Variants in CSMD1 observed in about 807,000 individuals in gnomAD.
The protein encoded by CSMD1 is CUB and Sushi multiple domains 1, also known as CUB and sushi domain-containing protein 1.
In CSMD1, 213 loss-of-function variants were observed where a neutral mutation model predicts 417.5. The observed-to-expected ratio is 0.51, with a 90% CI of 0.46 to 0.57. CSMD1 has a LOEUF of 0.57. Ranked by LOEUF, CSMD1 falls within the 20% of genes least tolerant of loss-of-function variation. CSMD1 has a pLI of 0.00. For synonymous variants in CSMD1, 2,862 were observed against 1,736.8 expected (o/e 1.65, Z -16.11); for missense variants, 6,923 against 4,529.7 (o/e 1.53, Z -15.17).
chr8:4,023,109 G>T (rs965175488), intron 4 of CSMD1, among the ~76,000 whole-genome samples: 1 of 152,116 alleles, frequency 6.6e-6, no homozygotes, highest in African/African-American at 2.4e-5. Context: ...TAATGCAGTG[G>T]ATGTACAGGA....
At chr8:3,097,428 C>T (rs1383435223) in intron 46 of CSMD1, among the ~76,000 whole-genome samples, 1 of 150,038 alleles carries the variant, frequency 6.7e-6, no homozygotes, top group East Asian at 1.9e-4. Context: ...AAAGAAAACT[C>T]ATATTTATTT....
At chr8:4,240,760 T>C (rs1435998914) in intron 3 of CSMD1, among the ~76,000 whole-genome samples, 1 of 152,210 alleles carries the variant, frequency 6.6e-6, no homozygotes, top group African/African-American at 2.4e-5. Flanking sequence ...CCTTTGAATT[T>C]AATTTTTTCT....
intron 1 of CSMD1, among the ~76,000 whole-genome samples, chr8:4,848,455 G>C (rs939314321): frequency 2.6e-5 from 4 of 152,088 alleles, no homozygotes; most frequent in South Asian, 4.1e-4. Context: ...ATTACTCATG[G>C]GTTTGTTGTG....
intron 1 of CSMD1, among the ~76,000 whole-genome samples, chr8:4,757,941 CAG>C (rs1262902331): frequency 1.8e-5 from 2 of 112,546 alleles, no homozygotes; most frequent in African/African-American, 3.5e-5. Flanking sequence ...TCCTGGGCAA[CAG>C]AGAGAGACTT....
chr8:4,791,807 C>T (rs1797705476), intron 1 of CSMD1, among the ~76,000 whole-genome samples: 1 of 152,146 alleles, frequency 6.6e-6, no homozygotes, highest in African/African-American at 2.4e-5. Flanking sequence ...GTTTGGGTGG[C>T]ATTCTCTGAC....
intron 2 of CSMD1, among the ~76,000 whole-genome samples, chr8:4,625,781 TG>T (rs1802069438): frequency 6.6e-6 from 1 of 152,238 alleles, no homozygotes; most frequent in East Asian, 1.9e-4. Flanking sequence ...TGGAGTGCCG[TG>T]GTATGATCTC....
chr8:4,324,262 A>G (rs1226905051), intron 3 of CSMD1, among the ~76,000 whole-genome samples: 5 of 152,238 alleles, frequency 3.3e-5, no homozygotes. Flanking sequence ...GAGTTCTGAG[A>G]CCTTTTCCTC....
rs1802838244 is a variant in CSMD1 at position 2,954,211 on chromosome 8, C to G, written c.10039+13G>C. ...TATTGGATTGAAATCTAGAACTGTTCTGGTATACAAACCTGGAGTTTTAGT... is the reference window on the plus strand; with the variant it reads ...TATTGGATTGAAATCTAGAACTGTTGTGGTATACAAACCTGGAGTTTTAGT... On this transcript the variant is annotated intron_variant, in intron 65 of 69. Transcript: ENST00000635120. 6.9e-7 allele frequency: 1 copy of G among 1,458,196 alleles called. No individual in the cohort carries two copies. The highest frequency in any genetic ancestry group is 1.7e-4 in the Middle Eastern group (1 of 5,770). The allele number at this position is 1,458,196 out of a possible 1,614,324, so 90.3% of individuals were successfully genotyped here.
intron 37 of CSMD1, among the ~76,000 whole-genome samples, chr8:3,170,370 G>A (rs904660922): frequency 1.5e-4 from 23 of 152,104 alleles, no homozygotes; most frequent in Non-Finnish European, 1.5e-5. Context: ...ACCATACCTG[G>A]CTAATTGTTT....
rs1319799813 is a variant in CSMD1 at position 3,511,157 on chromosome 8, A to G, written c.1345-17431T>C. ...AGAAAACCAAACACTGCATGTTCTC[A>G]GTAATAAGTGGGAGTTGAACAATGA... On this transcript the variant is annotated intron_variant, in intron 10 of 69. Coordinates refer to ENST00000635120, the MANE Select transcript of CSMD1 (RefSeq NM_033225.6). Among the ~76,000 whole-genome samples the G allele has an allele frequency of 2.0e-5, 3 of 151,936 alleles. No homozygotes were observed. In the East Asian group the frequency reaches 5.8e-4, roughly 29 times the overall value.
At chr8:4,369,945 A>G (rs2128912312) in intron 3 of CSMD1, among the ~76,000 whole-genome samples, 1 of 152,308 alleles carries the variant, frequency 6.6e-6, no homozygotes, top group South Asian at 2.1e-4. Context: ...TAACCCATTT[A>G]CATTCTGGGT....
chr8:4,191,325 G>C (rs1799018813), intron 3 of CSMD1, among the ~76,000 whole-genome samples: 1 of 152,118 alleles, frequency 6.6e-6, no homozygotes, highest in Non-Finnish European at 1.5e-5. Context: ...GAACCCGGGA[G>C]GCAGAGCCTG....
intron 1 of CSMD1, among the ~76,000 whole-genome samples, chr8:4,767,836 C>T (rs1812569777): frequency 6.6e-6 from 1 of 152,136 alleles, no homozygotes; most frequent in Non-Finnish European, 1.5e-5. Context: ...CACCCAACTG[C>T]CCAGGAGTGT....
chr8:3,616,743 G>A lies in CSMD1; in HGVS notation c.1064C>T (p.Pro355Leu), dbSNP rs1802158435. The A allele has an allele frequency of 1.9e-6, 3 of 1,612,154 alleles. No homozygotes were observed. Among genetic ancestry groups the A allele is most frequent in the African/African-American group, 1.3e-5 (1 of 74,826 alleles). Residue 355 changes from proline (P) to leucine (L), a missense_variant, in exon 8 of 70, where the codon CCA becomes CTA. Transcript: ENST00000635120. Reference protein sequence around the residue: ...VSDMCPDPGIPENGRRAGSDF... With the variant: ...VSDMCPDPGILENGRRAGSDF... Reference sequence around the variant, plus strand: ...GGAACCTGCTCTTCTACCATTTTCTGGAATCCCAGGATCTGGACACATGTC... The same window carrying A: ...GGAACCTGCTCTTCTACCATTTTCTAGAATCCCAGGATCTGGACACATGTC...
chr8:4,516,282 C>G (rs1240001338), intron 2 of CSMD1, among the ~76,000 whole-genome samples: 1 of 152,124 alleles, frequency 6.6e-6, no homozygotes, highest in Non-Finnish European at 1.5e-5. Context: ...CAGGAGAAAC[C>G]AACCCCACTG....
intron 1 of CSMD1, among the ~76,000 whole-genome samples, chr8:4,879,557 C>T (rs573099580): frequency 6.6e-6 from 1 of 152,042 alleles, no homozygotes; most frequent in East Asian, 1.9e-4. Flanking sequence ...AAAATGAATA[C>T]GATTTCTAGG....
chr8:4,188,395 C>G (rs1798809284), intron 3 of CSMD1, among the ~76,000 whole-genome samples: 1 of 152,148 alleles, frequency 6.6e-6, no homozygotes, highest in African/African-American at 2.4e-5. Context: ...ACACAGGAAA[C>G]ATTCGTATAT....
rs552610811 is a variant in CSMD1 at position 3,461,317 on chromosome 8, G to A, written c.1561+7395C>T. On this transcript the variant is annotated intron_variant, in intron 12 of 69. Transcript: ENST00000635120. ...GGATAGAATGAGGGAATGCGCTTCTGAAGGCATGGCTGAGGAGCCAGCTTG... is the reference window on the plus strand; with the variant it reads ...GGATAGAATGAGGGAATGCGCTTCTAAAGGCATGGCTGAGGAGCCAGCTTG... Among the ~76,000 whole-genome samples the A allele has an allele frequency of 4.6e-5, 7 of 152,336 alleles. No individual in the cohort carries two copies. In the East Asian group the frequency reaches 1.4e-3, roughly 29 times the overall value.
intron 5 of CSMD1, among the ~76,000 whole-genome samples, chr8:3,821,915 C>A (rs77901718): frequency 0.033 from 5,035 of 152,282 alleles, 121 homozygotes; most frequent in South Asian, 0.063. Context: ...AAGCTGGATG[C>A]GATGAAGACA....
Sources: allele counts gnomAD v4.1 joint callset (sites outside exome capture counted in the v4.1 genomes callset), GRCh38; gene constraint gnomAD v4.1.1; transcripts MANE v1.5; gene names NCBI Gene and HGNC (gene_info 2026-07-23, HGNC 2026-07-21).